ANKRD12: variants seen among roughly 807,000 people sequenced by gnomAD.
ANKRD12 encodes ankyrin repeat domain-containing protein 12.
Under a neutral mutation model 183.4 loss-of-function variants are expected in ANKRD12, and 85 were observed. The observed-to-expected ratio is 0.46, with a 90% CI of 0.39 to 0.56. The LOEUF is 0.56. ANKRD12 is among the 20% of genes least tolerant of loss of function. ANKRD12 has a pLI of 0.00. For synonymous variants in ANKRD12, 914 were observed against 800.2 expected (o/e 1.14, Z -2.40); for missense variants, 2,405 against 2,357.1 (o/e 1.02, Z -0.42).
At chr18:9,249,843 A>G (rs557795685) in intron 8 of ANKRD12, 1 of 152,350 alleles carries the variant, frequency 6.6e-6, no homozygotes, top group East Asian at 1.9e-4. Context: ...ATTAGAACCC[A>G]TATAAATATG....
At chr18:9,156,849 G>A (rs548462370) in intron 1 of ANKRD12, among the ~76,000 whole-genome samples, 2 of 152,272 alleles carry the variant, frequency 1.3e-5, no homozygotes, top group East Asian at 3.9e-4. Flanking sequence ...TCAGAACTTT[G>A]AAGTCAGTAT....
At chr18:9,149,800 T>TA (rs1555704752) in intron 1 of ANKRD12, among the ~76,000 whole-genome samples, 4 of 143,466 alleles carry the variant, frequency 2.8e-5, no homozygotes, top group Non-Finnish European at 4.6e-5. Flanking sequence ...TAAATTTTAT[T>TA]TTTTTTTTTT....
At chr18:9,235,627 T>C (rs187171240) in intron 8 of ANKRD12, 3 of 456,142 alleles carry the variant, frequency 6.6e-6, no homozygotes, top group African/African-American at 6.0e-5. Context: ...CCTTAGTCTC[T>C]TCATCCTCAG....
chr18:9,164,494 G>A (rs756318762), intron 1 of ANKRD12, among the ~76,000 whole-genome samples: 15 of 152,068 alleles, frequency 9.9e-5, no homozygotes, highest in Non-Finnish European at 2.1e-4. Context: ...GTGACATTAG[G>A]TTGTTAATTT....
chr18:9,201,124 G>C (rs760692330), intron 3 of ANKRD12, among the ~76,000 whole-genome samples: 7 of 152,136 alleles, frequency 4.6e-5, no homozygotes, highest in Non-Finnish European at 8.8e-5. Flanking sequence ...TTGTTTCCCT[G>C]ATCAAAACTG....
intron 9 of ANKRD12, among the ~76,000 whole-genome samples, chr18:9,261,315 G>C (rs922576475): frequency 5.3e-5 from 8 of 152,086 alleles, no homozygotes; most frequent in Non-Finnish European, 1.2e-4. Flanking sequence ...AATAAGTTTG[G>C]GAAGCACTGT....
In ANKRD12 at chr18:9,257,384, C is replaced by G; in HGVS notation, c.4117C>G (p.Pro1373Ala). The G allele has an allele frequency of 6.2e-7, 1 of 1,614,128 alleles. No homozygotes were observed. Among genetic ancestry groups the G allele is most frequent in the Middle Eastern group, 1.6e-4 (1 of 6,062 alleles). Residue 1373 changes from proline to alanine, a missense_variant, in exon 9 of 13, where the codon CCA (proline) becomes GCA (alanine). Pro to Ala is a conservative substitution (Grantham distance 27). Coordinates refer to ENST00000262126, the MANE Select transcript of ANKRD12 (RefSeq NM_015208.5). ...CATACATTCCAGTTTTGCAACTTCTCCAACTGGAGCTTCAAACAGCAAGTA... is the reference window on the plus strand; with the variant it reads ...CATACATTCCAGTTTTGCAACTTCTGCAACTGGAGCTTCAAACAGCAAGTA... ...SNIHSSFATS[P>A]TGASNSKYVS...
chr18:9,255,002 G>T lies in ANKRD12; in HGVS notation c.1735G>T (p.Asp579Tyr). Reference protein sequence around the residue: ...PGSSEMSLQPDLVRYDNTESE... With the variant: ...PGSSEMSLQPYLVRYDNTESE... ...AAGTTCTGAAATGTCATTACAGCCT[G>T]ATCTTGTTCGGTATGATAATACAGA... Residue 579 changes from aspartate to tyrosine, a missense_variant, in exon 9 of 13, where the codon GAT becomes TAT. Asp to Tyr is a radical substitution (Grantham distance 160). Transcript: ENST00000262126. 6.2e-7 allele frequency: 1 copy of T among 1,608,846 alleles called. No individual in the cohort carries two copies. The highest frequency in any genetic ancestry group is 1.1e-5 in the South Asian group (1 of 89,742).
intron 2 of ANKRD12, among the ~76,000 whole-genome samples, chr18:9,192,039 TC>T (rs1215916181): frequency 1.3e-5 from 2 of 152,200 alleles, no homozygotes; most frequent in Admixed American, 6.5e-5. Context: ...CCCTGGTACT[TC>T]CCTGTGTGGT....
chr18:9,176,848 A>G (rs2033311670), intron 1 of ANKRD12, among the ~76,000 whole-genome samples: 1 of 152,186 alleles, frequency 6.6e-6, no homozygotes, highest in Admixed American at 6.5e-5. Flanking sequence ...AAAAGACACC[A>G]AGAGAATACT....
intron 1 of ANKRD12, among the ~76,000 whole-genome samples, chr18:9,173,024 T>C (rs1187757902): frequency 6.6e-6 from 1 of 151,898 alleles, no homozygotes; most frequent in Non-Finnish European, 1.5e-5. Context: ...CCTAAAGTGC[T>C]GGGATTATAG....
intron 8 of ANKRD12, among the ~76,000 whole-genome samples, chr18:9,253,327 C>T (rs930987127): frequency 3.9e-5 from 6 of 152,178 alleles, no homozygotes; most frequent in Non-Finnish European, 1.5e-5. Context: ...TACCCATTAA[C>T]TCTCATCTCC....
intron 8 of ANKRD12, among the ~76,000 whole-genome samples, chr18:9,245,839 C>A (rs184803500): frequency 2.0e-5 from 3 of 152,000 alleles, no homozygotes; most frequent in Non-Finnish European, 4.4e-5. Flanking sequence ...CAGATACTTA[C>A]GGAAAGGTCA....
intron 1 of ANKRD12, among the ~76,000 whole-genome samples, chr18:9,138,534 A>G (rs977779784): frequency 6.7e-6 from 1 of 150,254 alleles, no homozygotes; most frequent in African/African-American, 2.5e-5. Context: ...CAAAACAAAC[A>G]AACAAACAAA....
intron 2 of ANKRD12, among the ~76,000 whole-genome samples, chr18:9,185,546 T>C (rs2033990823): frequency 6.6e-6 from 1 of 152,188 alleles, no homozygotes; most frequent in African/African-American, 2.4e-5. Flanking sequence ...CCTGGGAACA[T>C]TCAAGTAGAA....
intron 3 of ANKRD12, among the ~76,000 whole-genome samples, chr18:9,197,278 C>T (rs2034889344): frequency 6.6e-6 from 1 of 152,054 alleles, no homozygotes; most frequent in Non-Finnish European, 1.5e-5. Context: ...ACACTTTTCC[C>T]CCTTAGATTT....
rs993129579 is a variant in ANKRD12, at chr18:9,257,900, A to G, written c.4633A>G (p.Thr1545Ala). ...TACTGATAATGAATCTACAAAAGAT[A>G]CAGAAAATACTTTTGTCCTAGGAGA... ...LDTDNESTKDTENTFVLGDVQ... is the reference protein window; with the variant it reads ...LDTDNESTKDAENTFVLGDVQ... The change falls in exon 9 of 13, where the codon ACA becomes GCA. Residue 1545 changes from threonine to alanine, a missense_variant. This residue lies in a region of ANKRD12 where 1,983 missense variants were observed against 1,725.9 expected (regional missense o/e 1.15). Transcript: ENST00000262126. 6.2e-7 allele frequency: 1 copy of G among 1,613,810 alleles called. No homozygotes were observed.
rs542095124 is a variant in ANKRD12 at position 9,279,870 on chromosome 18, G to A, written c.6003+226G>A. Among the ~76,000 whole-genome samples the A allele has an allele frequency of 3.5e-3, 533 of 152,170 alleles. 4 individuals carry two copies. Among genetic ancestry groups the A allele is most frequent in the Non-Finnish European group, 6.3e-3 (431 of 67,996 alleles). On this transcript the variant is annotated intron_variant, in intron 12 of 12. Coordinates refer to ENST00000262126, the MANE Select transcript of ANKRD12 (RefSeq NM_015208.5). ...ACAGAAAATGCAGTTTCTAGTGTGGGTCTTCATGCTTACTATCCAATGTAC... is the reference window on the plus strand; with the variant it reads ...ACAGAAAATGCAGTTTCTAGTGTGGATCTTCATGCTTACTATCCAATGTAC...
Position 9,211,752 on chromosome 18 carries a change from T to C in ANKRD12, c.620T>C (p.Leu207Ser), listed in dbSNP as rs376494143. 10 of 1,613,570 alleles carry C rather than the reference T, an allele frequency of 6.2e-6. No individual in the cohort carries two copies. Among genetic ancestry groups the C allele is most frequent in the Non-Finnish European group, 8.5e-6 (10 of 1,179,794 alleles). Residue 207 changes from leucine to serine, a missense_variant, in exon 6 of 13, where the codon TTA becomes TCA. Leu to Ser is a moderately radical substitution (Grantham distance 145, BLOSUM62 -2). Coordinates refer to ENST00000262126, the MANE Select transcript of ANKRD12 (RefSeq NM_015208.5). Reference protein sequence around the residue: ...DVKQVKELISLGANVNVKDFA... With the variant: ...DVKQVKELISSGANVNVKDFA... Reference sequence around the variant, plus strand: ...AAACAAGTTAAAGAATTAATAAGTTTAGGGGCAAATGTGAATGTGAAAGAT... The same window carrying C: ...AAACAAGTTAAAGAATTAATAAGTTCAGGGGCAAATGTGAATGTGAAAGAT...
Sources: allele counts gnomAD v4.1 joint callset (sites outside exome capture counted in the v4.1 genomes callset), GRCh38; gene constraint gnomAD v4.1.1; regional missense constraint gnomAD v4.1.1; transcripts MANE v1.5; gene names NCBI Gene and HGNC (gene_info 2026-07-23, HGNC 2026-07-21).